FSTL5: variants seen among roughly 807,000 people sequenced by gnomAD.
FSTL5 encodes the protein follistatin-related protein 5.
FSTL5 carries 62 observed loss-of-function variants against 89.1 expected under a neutral mutation model. The ratio of observed to expected loss-of-function variants is 0.70; its 90% CI spans 0.57 to 0.86. The LOEUF (loss-of-function observed/expected upper bound fraction) is 0.86. Ranked by LOEUF, FSTL5 falls within the 40% of genes least tolerant of loss-of-function variation. FSTL5 has a pLI of 0.00. For synonymous variants in FSTL5, 383 were observed against 346.2 expected, an observed-to-expected ratio of 1.11 and a Z score of -1.18; for missense variants, 1,057 against 1,001.6, an observed-to-expected ratio of 1.06 and a Z score of -0.75.
chr4:161,677,956 A>G (rs1395876944), intron 6 of FSTL5, among the ~76,000 whole-genome samples: 1 of 151,808 alleles, frequency 6.6e-6, no homozygotes, highest in East Asian at 1.9e-4. Flanking sequence ...CACCATAGAT[A>G]TATATATTTT....
In FSTL5 at chr4:161,826,109, T is replaced by A. The variant is rs111555006; in HGVS notation, c.410-50035A>T. Among the ~76,000 whole-genome samples the A allele has an allele frequency of 5.7e-3, 874 of 152,284 alleles. 10 individuals are homozygous for A. Among genetic ancestry groups the A allele is most frequent in the African/African-American group, 0.02 (823 of 41,580 alleles). On this transcript the variant is annotated intron_variant, in intron 4 of 15. Transcript: ENST00000306100. ...TTATTGTTCAATTCAAAGAAGTTTT[T>A]AATTTTCATCTTGATTTCATTATTG... is the stretch of plus-strand genomic sequence containing the variant.
intron 2 of FSTL5, among the ~76,000 whole-genome samples, chr4:162,039,496 T>C (rs1364018277): frequency 6.6e-6 from 1 of 151,970 alleles, no homozygotes; most frequent in African/African-American, 2.4e-5. Flanking sequence ...TGGAAAGTTA[T>C]TTTCTTTTTA....
intron 6 of FSTL5, among the ~76,000 whole-genome samples, chr4:161,741,351 C>T (rs762221688): frequency 3.9e-5 from 6 of 152,072 alleles, no homozygotes; most frequent in Non-Finnish European, 4.4e-5. Flanking sequence ...AGGAAGAGAA[C>T]TGGAAAGATA....
At chr4:161,622,551 A>G (rs990577156) in intron 7 of FSTL5, among the ~76,000 whole-genome samples, 1 of 151,818 alleles carries the variant, frequency 6.6e-6, no homozygotes, top group Non-Finnish European at 1.5e-5. Flanking sequence ...ATTTATTTAC[A>G]TATGTGTATA....
intron 7 of FSTL5, among the ~76,000 whole-genome samples, chr4:161,605,800 T>A (rs12640548): frequency 6.6e-6 from 1 of 152,104 alleles, no homozygotes; most frequent in Non-Finnish European, 1.5e-5. Flanking sequence ...ACTGATTTCA[T>A]TGATGGTCTT....
At chr4:161,635,276 T>A (rs1301080055) in intron 7 of FSTL5, among the ~76,000 whole-genome samples, 2 of 151,988 alleles carry the variant, frequency 1.3e-5, no homozygotes, top group Non-Finnish European at 2.9e-5. Flanking sequence ...GTAATCCCAG[T>A]TACTCAGAAG....
intron 1 of FSTL5, among the ~76,000 whole-genome samples, chr4:162,118,831 G>GT (rs1731749474): frequency 6.6e-6 from 1 of 151,806 alleles, no homozygotes; most frequent in Admixed American, 6.6e-5. Flanking sequence ...AATATTTTCA[G>GT]TAAGTATTAT....
At chr4:161,681,632 A>AAT (rs1397904140) in intron 6 of FSTL5, among the ~76,000 whole-genome samples, 3 of 152,080 alleles carry the variant, frequency 2.0e-5, no homozygotes, top group South Asian at 2.1e-4. Context: ...TATTGTAAGG[A>AAT]ATATATATAG....
chr4:162,111,420 A>G lies in FSTL5; in HGVS notation c.-16-8T>C, dbSNP rs1241757558. On this transcript the variant is annotated splice_polypyrimidine_tract_variant and splice_region_variant and intron_variant, in intron 1 of 15. Coordinates refer to ENST00000306100, the MANE Select transcript of FSTL5 (RefSeq NM_020116.5). The stretch of plus-strand genomic sequence containing the variant: ...ATCCTTATTGCTTTTCACCTGTCAA[A>G]ATTAAAATTGCAAGGAATCAGAGAA... 6.3e-7 allele frequency: 1 copy of G among 1,584,740 alleles called. No individual in the cohort carries two copies. The highest frequency in any genetic ancestry group is 8.6e-7 in the Non-Finnish European group (1 of 1,161,844).
At chr4:161,450,349 C>A (rs2126389732) in intron 15 of FSTL5, among the ~76,000 whole-genome samples, 1 of 152,310 alleles carries the variant, frequency 6.6e-6, no homozygotes, top group Non-Finnish European at 1.5e-5. Flanking sequence ...TTAAATTTTT[C>A]TCTCTTCACA....
chr4:161,494,550 G>T, intron 12 of FSTL5, among the ~76,000 whole-genome samples: 1 of 152,164 alleles, frequency 6.6e-6, no homozygotes. Flanking sequence ...TCAATTTCTT[G>T]AAACGTAAGT....
intron 8 of FSTL5, among the ~76,000 whole-genome samples, chr4:161,557,934 G>A (rs926707908): frequency 1.3e-5 from 2 of 151,592 alleles, no homozygotes; most frequent in Admixed American, 6.6e-5. Flanking sequence ...GTCATGTGTC[G>A]CTTAAAGATG....
chr4:161,896,225 TTTAA>T (rs1319435341), intron 4 of FSTL5, among the ~76,000 whole-genome samples: 8 of 152,330 alleles, frequency 5.3e-5, no homozygotes, highest in African/African-American at 9.6e-5. Flanking sequence ...TATTTCATTA[TTTAA>T]TTAATGTTAA....
At chr4:161,929,955 T>A (rs1360382917) in intron 3 of FSTL5, among the ~76,000 whole-genome samples, 1 of 151,786 alleles carries the variant, frequency 6.6e-6, no homozygotes, top group Non-Finnish European at 1.5e-5. Context: ...TGGTTATTTT[T>A]ACTCCACATT....
At chr4:162,040,362 C>T (rs1578976102) in intron 2 of FSTL5, among the ~76,000 whole-genome samples, 1 of 151,964 alleles carries the variant, frequency 6.6e-6, no homozygotes, top group African/African-American at 2.4e-5. Flanking sequence ...CTCCAATAAT[C>T]CCACAACAAA....
rs987884058 is a variant in FSTL5 at position 161,965,113 on chromosome 4, A to G, written c.161-44461T>C. 1.4e-4 allele frequency among the ~76,000 whole-genome samples: 22 copies of G among 152,252 alleles called. 2 individuals are homozygous for G. In the South Asian group the frequency reaches 4.3e-3, roughly 30 times the overall value. On this transcript the variant is annotated intron_variant, in intron 3 of 15. Transcript: ENST00000306100. ...TTGTTTTCAATATTTTTCCTAAAGC[A>G]TATATTTATTCATGTGAATACTGAA... is the stretch of plus-strand genomic sequence containing the variant.
At chr4:161,435,531 A>G (rs1373641578) in intron 15 of FSTL5, among the ~76,000 whole-genome samples, 1 of 151,918 alleles carries the variant, frequency 6.6e-6, no homozygotes, top group African/African-American at 2.4e-5. Context: ...CAGGGTGGCT[A>G]CAGTCAACAA....
chr4:161,766,627 A>G (rs1741008728), intron 5 of FSTL5, among the ~76,000 whole-genome samples: 1 of 152,158 alleles, frequency 6.6e-6, no homozygotes, highest in South Asian at 2.1e-4. Flanking sequence ...GTCCTCAATT[A>G]CTTATACAAA....
chr4:161,453,001 CAA>C (rs796511967), intron 15 of FSTL5, among the ~76,000 whole-genome samples: 34 of 152,176 alleles, frequency 2.2e-4, no homozygotes, highest in African/African-American at 7.9e-4. Context: ...ATTTAGAACC[CAA>C]AGAGATGCTG....
Sources: gnomAD v4.1 joint callset for allele counts (sites outside exome capture counted in the v4.1 genomes callset) on GRCh38, gnomAD v4.1.1 for gene constraint, MANE v1.5 for transcripts, NCBI Gene and HGNC (gene_info 2026-07-23, HGNC 2026-07-21) for gene names.